The following C9 variants were observed in gnomAD, a reference collection of about 807,000 sequenced individuals.
The protein encoded by C9 is complement component C9.
C9 carries 63 observed loss-of-function variants against 65.4 expected under a neutral mutation model. That is an observed-to-expected ratio of 0.96 (90% confidence interval 0.79 to 1.19). C9 has a LOEUF of 1.19. Among genes scored for constraint, C9 ranks in the 50% most tolerant of loss-of-function variants. C9 has a pLI of 0.00. For synonymous variants in C9, 229 were observed against 227.9 expected (o/e 1.00, Z -0.04); for missense variants, 744 against 670.1 (o/e 1.11, Z -1.22).
chr5:39,312,141 C>A (rs932294367), intron 6 of C9, among the ~76,000 whole-genome samples: 1 of 152,066 alleles, frequency 6.6e-6, no homozygotes, highest in Non-Finnish European at 1.5e-5. Context: ...GTATTTTAAA[C>A]ATAGATCTTA....
chr5:39,335,207 G>A (rs892850339), intron 4 of C9, among the ~76,000 whole-genome samples: 2 of 152,138 alleles, frequency 1.3e-5, no homozygotes, highest in African/African-American at 2.4e-5. Context: ...AGTGAACAAT[G>A]AAATCAACTT....
chr5:39,348,690 T>C (rs1439814211), intron 1 of C9, among the ~76,000 whole-genome samples: 1 of 152,224 alleles, frequency 6.6e-6, no homozygotes, highest in Non-Finnish European at 1.5e-5. Flanking sequence ...CAAAGGATTA[T>C]AAGTCATGCT....
chr5:39,293,772 G>A (rs1365615245), intron 9 of C9, among the ~76,000 whole-genome samples: 3 of 151,766 alleles, frequency 2.0e-5, no homozygotes, highest in Non-Finnish European at 4.4e-5. Context: ...TAATCAGTGC[G>A]TGGAACATTT....
At chr5:39,359,102 G>GTGTGTGTATATATATA (rs1407613505) in intron 1 of C9, among the ~76,000 whole-genome samples, 2,278 of 103,534 alleles carry the variant, frequency 0.022, 52 homozygotes, top group Admixed American at 0.034. Flanking sequence ...GTGTGTGTGT[G>GTGTGTGTATATATATA]TATATATATA....
chr5:39,300,482 T>C (rs564640761), intron 9 of C9, among the ~76,000 whole-genome samples: 181 of 151,908 alleles, frequency 1.2e-3, no homozygotes, highest in Non-Finnish European at 2.4e-3. Context: ...TCACATTTGA[T>C]TTAAAAAGTC....
At chr5:39,289,013 A>T in intron 9 of C9, 62 bp from the exon 10 acceptor site, 1 of 883,370 alleles carries the variant, frequency 1.1e-6, no homozygotes, top group Non-Finnish European at 1.9e-6. Context: ...TGTAGAATAC[A>T]CTTTACTTAA....
intron 9 of C9, among the ~76,000 whole-genome samples, chr5:39,293,886 A>T (rs1363535206): frequency 6.6e-6 from 1 of 152,038 alleles, no homozygotes; most frequent in Non-Finnish European, 1.5e-5. Context: ...TAAAACCAGA[A>T]GTCAATAATC....
chr5:39,348,834 T>C (rs1192414326), intron 1 of C9, among the ~76,000 whole-genome samples: 1 of 152,172 alleles, frequency 6.6e-6, no homozygotes, highest in African/African-American at 2.4e-5. Context: ...TAGAATACTA[T>C]GCAGCCATAA....
intron 9 of C9, among the ~76,000 whole-genome samples, chr5:39,300,908 A>T (rs1228755859): frequency 1.3e-5 from 2 of 152,128 alleles, no homozygotes; most frequent in Non-Finnish European, 2.9e-5. Flanking sequence ...TCAGTGTAAT[A>T]TGAAATAAAA....
intron 1 of C9, among the ~76,000 whole-genome samples, chr5:39,345,909 T>C (rs201963062): frequency 3.3e-5 from 5 of 152,176 alleles, no homozygotes; most frequent in East Asian, 3.9e-4. Context: ...ACAACCTGCT[T>C]CTGAATGACT....
chr5:39,364,486 C>T lies in C9; in HGVS notation c.-22G>A, dbSNP rs377756880. On this transcript the variant is annotated 5_prime_UTR_variant, in exon 1 of 11. Coordinates refer to ENST00000263408, the MANE Select transcript of C9 (RefSeq NM_001737.5). ...ACATGCTGCTCTTGCTGGGTGGCTG[C>T]GAGTGGGGTGGCAGGGCAGGTCTGG... 77 of 1,498,866 alleles carry T rather than the reference C, an allele frequency of 5.1e-5. No homozygotes were observed. Among genetic ancestry groups the T allele is most frequent in the Middle Eastern group, 1.7e-4 (1 of 5,848 alleles). 92.8% of individuals were successfully genotyped at this position (1,498,866 alleles called of 1,614,324 possible). A position where few individuals can be genotyped will look rare whatever the true frequency, so the allele number is the denominator to read the frequency against.
chr5:39,286,005 C>G (rs4262131), intron 10 of C9, among the ~76,000 whole-genome samples: 1 of 152,058 alleles, frequency 6.6e-6, no homozygotes, highest in Non-Finnish European at 1.5e-5. Context: ...AAGAAAATGT[C>G]TAATGTCTCA....
At position 39,315,816 on chromosome 5, in the gene C9, T is replaced by C; in HGVS notation, c.829A>G (p.Asn277Asp). The change falls in exon 6 of 11, where the codon AAT becomes GAT. Residue 277 changes from asparagine to aspartate, a missense_variant. By Grantham distance (23) the Asn-to-Asp change is conservative. Transcript: ENST00000263408. Reference sequence around the variant, plus strand: ...GACAAAAATAGTTGGTAAGTTTCATTTTTGGAATATGAAAACCGAAAACTA... The same window carrying C: ...GACAAAAATAGTTGGTAAGTTTCATCTTTGGAATATGAAAACCGAAAACTA... ...KGSFRFSYSK[N>D]ETYQLFLSYS... The C allele has an allele frequency of 6.2e-7, 1 of 1,607,628 alleles. No homozygotes were observed. Among genetic ancestry groups the C allele is most frequent in the Non-Finnish European group, 8.5e-7 (1 of 1,174,310 alleles).
intron 9 of C9, among the ~76,000 whole-genome samples, chr5:39,297,288 T>C (rs1023105588): frequency 3.3e-5 from 5 of 151,688 alleles, no homozygotes; most frequent in African/African-American, 9.6e-5. Context: ...AATTCTTATA[T>C]GTCAGTTTAA....
chr5:39,306,525 T>C, intron 9 of C9, 92 bp downstream of exon 9: 1 of 1,037,884 alleles, frequency 9.6e-7, no homozygotes. Context: ...TTCACGTCTC[T>C]TTCAGATGAA....
In C9 at chr5:39,319,101, A is replaced by G. The variant is rs1753624105; in HGVS notation, c.616-3072T>C. On this transcript the variant is annotated intron_variant, in intron 5 of 10. Coordinates refer to ENST00000263408, the MANE Select transcript of C9 (RefSeq NM_001737.5). ...CACACACTCCCTTTCACACATACACACAAAACATAGGCCTCAGGTTGATTA... is the reference window on the plus strand; with the variant it reads ...CACACACTCCCTTTCACACATACACGCAAAACATAGGCCTCAGGTTGATTA... Among the ~76,000 whole-genome samples, 3 of 151,988 alleles carry G rather than the reference A, an allele frequency of 2.0e-5. No homozygotes were observed. The South Asian group carries it at 6.2e-4, about 32-fold the overall frequency.
chr5:39,286,314 T>C (rs973991552), intron 10 of C9, among the ~76,000 whole-genome samples: 1 of 151,948 alleles, frequency 6.6e-6, no homozygotes, highest in African/African-American at 2.4e-5. Flanking sequence ...CACTAAGTAC[T>C]GAAGAAAGCA....
chr5:39,288,976 T>A, intron 9 of C9, 25 bp from the exon 10 acceptor site: 1 of 1,265,044 alleles, frequency 7.9e-7, no homozygotes, highest in Non-Finnish European at 1.2e-6. Flanking sequence ...AACATTTAAT[T>A]TTAGGTCCTT....
chr5:39,334,064 T>C (rs1313482503), intron 4 of C9, among the ~76,000 whole-genome samples: 38 of 130,854 alleles, frequency 2.9e-4, no homozygotes, highest in Admixed American at 6.0e-4. Context: ...CGTCTCTGCC[T>C]GGCCGCCCAT....
Sources: gnomAD v4.1 joint callset for allele counts (sites outside exome capture counted in the v4.1 genomes callset) on GRCh38, gnomAD v4.1.1 for gene constraint, MANE v1.5 for transcripts, NCBI Gene and HGNC (gene_info 2026-07-23, HGNC 2026-07-21) for gene names.